The following PTPRG variants were observed in gnomAD, a reference collection of about 807,000 sequenced individuals.
The protein encoded by PTPRG is protein tyrosine phosphatase receptor type G, also known as receptor-type tyrosine-protein phosphatase gamma.
Under a neutral mutation model 165.3 loss-of-function variants are expected in PTPRG, and 102 were observed. The ratio of observed to expected loss-of-function variants is 0.62; its 90% CI spans 0.53 to 0.73. The LOEUF is 0.73. PTPRG is among the 30% of genes least tolerant of loss of function. The pLI is 0.00. For missense variants in PTPRG, 1,866 were observed against 1,861.4 expected, an observed-to-expected ratio of 1.00 and a Z score of -0.05; for synonymous variants, 675 against 669.5, an observed-to-expected ratio of 1.01 and a Z score of -0.13.
chr3:61,984,652 A>T (rs761117927), intron 2 of PTPRG, among the ~76,000 whole-genome samples: 2 of 152,236 alleles, frequency 1.3e-5, no homozygotes, highest in African/African-American at 2.4e-5. Context: ...TTTGACAAGG[A>T]CCTACTAGGA....
intron 4 of PTPRG, among the ~76,000 whole-genome samples, chr3:62,052,137 A>G (rs1700487705): frequency 1.3e-5 from 2 of 152,208 alleles, no homozygotes; most frequent in Non-Finnish European, 2.9e-5. Context: ...GTCTTCTCTC[A>G]TTAACCATAA....
intron 1 of PTPRG, among the ~76,000 whole-genome samples, chr3:61,714,465 C>T (rs1036169426): frequency 6.6e-6 from 1 of 152,000 alleles, no homozygotes; most frequent in Non-Finnish European, 1.5e-5. Context: ...GATGGGACCA[C>T]GAGATTGGTA....
rs1375571598 is a variant in PTPRG at position 62,276,996 on chromosome 3, C to A, written c.3584C>A (p.Ala1195Glu). The change falls in exon 25 of 30, where the codon GCA (alanine) becomes GAA (glutamate). Residue 1195 changes from alanine to glutamate, a missense_variant. This residue lies in a region of PTPRG where 1,452 missense variants were observed against 1,463.0 expected (regional missense o/e 0.99). Coordinates refer to ENST00000474889, the MANE Select transcript of PTPRG (RefSeq NM_002841.4). ...VPSERARVGL[A>E]PLPGMKGTDY... ...GCTGAGCGTGCTCGAGTGGGTCTTG[C>A]ACCATTGCCTGGAATGAAAGGAACA... The A allele has an allele frequency of 6.2e-7, 1 of 1,613,146 alleles. No homozygotes were observed. The highest frequency in any genetic ancestry group is 8.5e-7 in the Non-Finnish European group (1 of 1,179,378).
intron 26 of PTPRG, among the ~76,000 whole-genome samples, chr3:62,279,365 C>T (rs1476082394): frequency 2.6e-5 from 4 of 152,084 alleles, no homozygotes; most frequent in Non-Finnish European, 4.4e-5. Flanking sequence ...AACCATTTTT[C>T]TACCTTTCTT....
At chr3:61,710,054 G>A (rs181673763) in intron 1 of PTPRG, among the ~76,000 whole-genome samples, 2 of 152,306 alleles carry the variant, frequency 1.3e-5, no homozygotes, top group Admixed American at 6.5e-5. Context: ...CTGTGAGAGT[G>A]TCTCACTCCA....
At chr3:61,940,152 G>A (rs2039584131) in intron 2 of PTPRG, among the ~76,000 whole-genome samples, 1 of 151,836 alleles carries the variant, frequency 6.6e-6, no homozygotes, top group Admixed American at 6.6e-5. Flanking sequence ...TTACCAGGTT[G>A]GCCAGGCTGG....
chr3:62,153,229 A>T (rs1427390649), intron 6 of PTPRG, among the ~76,000 whole-genome samples: 1 of 152,212 alleles, frequency 6.6e-6, no homozygotes, highest in Non-Finnish European at 1.5e-5. Flanking sequence ...CCTGTACCTC[A>T]TCTGGGCTTG....
intron 2 of PTPRG, among the ~76,000 whole-genome samples, chr3:61,938,467 T>C (rs2039534047): frequency 6.6e-6 from 1 of 152,200 alleles, no homozygotes. Context: ...TGAATCAAAT[T>C]CAATTTTAGG....
intron 1 of PTPRG, among the ~76,000 whole-genome samples, chr3:61,700,488 A>G (rs1348696324): frequency 6.6e-6 from 1 of 152,208 alleles, no homozygotes; most frequent in Non-Finnish European, 1.5e-5. Context: ...TTTAAAGGAA[A>G]TTTATAACTA....
At chr3:61,668,848 G>C (rs1702884693) in intron 1 of PTPRG, among the ~76,000 whole-genome samples, 2 of 152,088 alleles carry the variant, frequency 1.3e-5, no homozygotes, top group Non-Finnish European at 2.9e-5. Flanking sequence ...TCATTTCTTA[G>C]GAGGATTTAC....
At position 62,262,770 on chromosome 3, in the gene PTPRG, T is replaced by C. The variant is rs761285085; in HGVS notation, c.2560-28T>C. Reference sequence around the variant, plus strand: ...GGTGTTCCTTTGTTTCTAAACTGTGTCTATAATCTTGCTGTTTTCTTCACT... The same window carrying C: ...GGTGTTCCTTTGTTTCTAAACTGTGCCTATAATCTTGCTGTTTTCTTCACT... On this transcript the variant is annotated intron_variant, in intron 16 of 29. Coordinates refer to ENST00000474889, the MANE Select transcript of PTPRG (RefSeq NM_002841.4). 8.4e-6 allele frequency: 13 copies of C among 1,538,578 alleles called. No individual in the cohort carries two copies. The East Asian group carries it at 2.9e-4, about 35-fold the overall frequency.
chr3:62,057,848 C>T (rs1700682994), intron 4 of PTPRG, among the ~76,000 whole-genome samples: 1 of 152,158 alleles, frequency 6.6e-6, no homozygotes, highest in South Asian at 2.1e-4. Context: ...ACTCTGTGCT[C>T]CCAGACTGGG....
chr3:62,256,386 TGTTA>T (rs1037160899), intron 16 of PTPRG, among the ~76,000 whole-genome samples: 3 of 152,204 alleles, frequency 2.0e-5, no homozygotes, highest in Non-Finnish European at 4.4e-5. Flanking sequence ...TTAGTTTTTT[TGTTA>T]GTTTTTGTTG....
chr3:62,293,076 A>C lies in PTPRG; in HGVS notation c.4192-85A>C. 2.5e-6 allele frequency: 3 copies of C among 1,206,500 alleles called. No individual in the cohort carries two copies. The South Asian group carries it at 5.6e-5, about 23-fold the overall frequency. 74.7% of individuals were successfully genotyped at this position (1,206,500 alleles called of 1,614,324 possible). ...GCTGTTTCTCTAGTGTGTTTTTCACAATTACCATTTTAATTGGTATTTCCA... is the reference window on the plus strand; with the variant it reads ...GCTGTTTCTCTAGTGTGTTTTTCACCATTACCATTTTAATTGGTATTTCCA... On this transcript the variant is annotated intron_variant, in intron 29 of 29. Coordinates refer to ENST00000474889, the MANE Select transcript of PTPRG (RefSeq NM_002841.4).
chr3:61,988,598 A>G (rs1292647700), intron 2 of PTPRG, among the ~76,000 whole-genome samples: 1 of 152,224 alleles, frequency 6.6e-6, no homozygotes, highest in East Asian at 1.9e-4. Context: ...TCTGTAGATG[A>G]ATGTATATAC....
At chr3:61,738,037 T>A (rs1360134312) in intron 1 of PTPRG, among the ~76,000 whole-genome samples, 4 of 149,810 alleles carry the variant, frequency 2.7e-5, no homozygotes, top group African/African-American at 4.9e-5. Flanking sequence ...GCCTCCCGAG[T>A]AGTTGGGACT....
intron 1 of PTPRG, among the ~76,000 whole-genome samples, chr3:61,681,054 T>TA (rs61198100): frequency 0.68 from 45,131 of 65,896 alleles, 15,837 homozygotes; most frequent in East Asian, 0.78. Flanking sequence ...CTTTATGTTC[T>TA]AAAAAAAAAA....
chr3:61,892,557 C>T (rs924859658), intron 2 of PTPRG, among the ~76,000 whole-genome samples: 1 of 152,108 alleles, frequency 6.6e-6, no homozygotes, highest in Non-Finnish European at 1.5e-5. Flanking sequence ...TGGCTCATGC[C>T]TGTAATTCCA....
chr3:61,775,774 G>A (rs2034359909), intron 2 of PTPRG, among the ~76,000 whole-genome samples: 1 of 152,118 alleles, frequency 6.6e-6, no homozygotes. Context: ...CATGTCCTTT[G>A]TAGGGACATG....
Sources: allele counts gnomAD v4.1 joint callset (sites outside exome capture counted in the v4.1 genomes callset), GRCh38; gene constraint gnomAD v4.1.1; regional missense constraint gnomAD v4.1.1; transcripts MANE v1.5; gene names NCBI Gene and HGNC (gene_info 2026-07-23, HGNC 2026-07-21).